Variants in ATP6V1H observed in about 807,000 individuals in gnomAD.
ATP6V1H encodes ATPase H+ transporting V1 subunit H.
ATP6V1H carries 39 observed loss-of-function variants against 71.7 expected under a neutral mutation model. The ratio of observed to expected loss-of-function variants is 0.54; its 90% CI spans 0.42 to 0.71. ATP6V1H has a LOEUF of 0.71. Among genes scored for constraint, ATP6V1H ranks in the 30% least tolerant of loss-of-function variants. The pLI, the probability that ATP6V1H is intolerant of heterozygous loss-of-function variation, is 0.00. For missense variants in ATP6V1H, 509 were observed against 594.9 expected, an observed-to-expected ratio of 0.86 and a Z score of 1.50; for synonymous variants, 192 against 199.3, an observed-to-expected ratio of 0.96 and a Z score of 0.31.
chr8:53,776,087 G>A (rs1033546124), intron 9 of ATP6V1H, among the ~76,000 whole-genome samples: 6 of 152,340 alleles, frequency 3.9e-5, no homozygotes, highest in African/African-American at 9.6e-5. Context: ...GCGCAGCGCC[G>A]GTGGGCTGGC....
chr8:53,748,151 C>T (rs1180939912), intron 12 of ATP6V1H, among the ~76,000 whole-genome samples: 2 of 151,620 alleles, frequency 1.3e-5, no homozygotes. Flanking sequence ...GAGTGAGACT[C>T]CATCTCAAAA....
At position 53,817,429 on chromosome 8, in the gene ATP6V1H, G is replaced by A. The variant is rs763173447; in HGVS notation, c.408C>T (p.Phe136=). Residue 136 remains phenylalanine, a synonymous_variant, in exon 5 of 14, where the codon TTC becomes TTT. Transcript: ENST00000359530. ...FLPMLNRQDP[F]TVHMAARIIA... ...ATTCAAAATTTACCATATGAACAGT[G>A]AAGGGATCCTGGCGATTCAACATTG... 2.5e-6 allele frequency: 4 copies of A among 1,609,834 alleles called. No individual in the cohort carries two copies. In the South Asian group the frequency reaches 3.3e-5, roughly 13 times the overall value.
intron 7 of ATP6V1H, among the ~76,000 whole-genome samples, chr8:53,802,409 TA>T (rs1809942544): frequency 1.3e-5 from 2 of 152,218 alleles, no homozygotes; most frequent in Non-Finnish European, 2.9e-5. Context: ...GCACCCTGAA[TA>T]TTGTTAGATT....
chr8:53,842,731 C>G (rs1811383386), intron 1 of ATP6V1H: 4 of 152,340 alleles, frequency 2.6e-5, no homozygotes. Flanking sequence ...AGTCCCTGAA[C>G]TACTCGCACC....
At chr8:53,765,948 T>TCG (rs1808445107) in intron 11 of ATP6V1H, among the ~76,000 whole-genome samples, 1 of 152,208 alleles carries the variant, frequency 6.6e-6, no homozygotes, top group African/African-American at 2.4e-5. Context: ...GACAAATAGA[T>TCG]CGCTGAAACA....
intron 13 of ATP6V1H, among the ~76,000 whole-genome samples, chr8:53,738,709 A>G (rs1222010064): frequency 6.6e-6 from 1 of 152,180 alleles, no homozygotes; most frequent in Non-Finnish European, 1.5e-5. Context: ...ACTCTTCTGA[A>G]TATTTATTTA....
chr8:53,786,486 C>T (rs977099409), intron 9 of ATP6V1H, among the ~76,000 whole-genome samples: 1 of 151,432 alleles, frequency 6.6e-6, no homozygotes, highest in Non-Finnish European at 1.5e-5. Flanking sequence ...TTGCAGTTCC[C>T]GGGTGAGGCG....
rs1563471685 is a variant in ATP6V1H, at chr8:53,798,176, CA to C, written c.678-2338del. 4.6e-5 allele frequency among the ~76,000 whole-genome samples: 7 copies of C among 152,036 alleles called. No individual in the cohort carries two copies. The South Asian group carries it at 6.2e-4, about 14-fold the overall frequency. On this transcript the variant is annotated intron_variant, in intron 8 of 13. Transcript: ENST00000359530. ...ATTATGTATATAATAGGCTTTTTAA[CA>C]ACAATAAAAAAGTCAGCAAACTATA...
chr8:53,719,549 C>T (rs936160775), intron 13 of ATP6V1H, among the ~76,000 whole-genome samples: 1 of 152,202 alleles, frequency 6.6e-6, no homozygotes, highest in Non-Finnish European at 1.5e-5. Context: ...ACAAGCCTGC[C>T]TCTGAATCCT....
chr8:53,829,547 T>A lies in ATP6V1H; in HGVS notation c.217-14A>T, dbSNP rs2130518964. The A allele has an allele frequency of 3.6e-6, 5 of 1,407,118 alleles. No homozygotes were observed. Among genetic ancestry groups the A allele is most frequent in the East Asian group, 2.3e-5 (1 of 42,954 alleles). 87.2% of individuals were successfully genotyped at this position (1,407,118 alleles called of 1,614,324 possible). ...TGTTTTAGCACACTAAAAAAAAAAA[T>A]GAAATTAAAGTTATTGTTTTTATTT... is the stretch of plus-strand genomic sequence containing the variant. On this transcript the variant is annotated splice_polypyrimidine_tract_variant and intron_variant, in intron 3 of 13. Transcript: ENST00000359530.
At chr8:53,724,747 T>G (rs1224508837) in intron 13 of ATP6V1H, among the ~76,000 whole-genome samples, 1 of 151,848 alleles carries the variant, frequency 6.6e-6, no homozygotes. Context: ...TCTCTCTCAT[T>G]TAAGTCATGG....
rs1806410138 is a variant in ATP6V1H, at chr8:53,715,978, C to G, written c.1438G>C (p.Ala480Pro). Reference protein sequence around the residue: ...QLQSEQPQTAAARS With the variant: ...QLQSEQPQTAPARS The stretch of plus-strand genomic sequence containing the variant: ...CAGAGGCAGGCTTAGCTTCGGGCGG[C>G]AGCGGTCTGGGGCTGCTCGGACTGG... The change falls in exon 14 of 14, where the codon GCC (alanine) becomes CCC (proline). Residue 480 changes from alanine to proline, a missense_variant. Physicochemically the swap from Ala to Pro is conservative, Grantham distance 27 (BLOSUM62 -1). Coordinates refer to ENST00000359530, the MANE Select transcript of ATP6V1H (RefSeq NM_015941.4). 2 of 1,608,142 alleles carry G rather than the reference C, an allele frequency of 1.2e-6. No homozygotes were observed. The highest frequency in any genetic ancestry group is 2.7e-5 in the African/African-American group (2 of 75,012).
At chr8:53,809,255 T>C (rs1810195013) in intron 7 of ATP6V1H, among the ~76,000 whole-genome samples, 1 of 152,192 alleles carries the variant, frequency 6.6e-6, no homozygotes, top group African/African-American at 2.4e-5. Context: ...GATGTAAATG[T>C]AAAATGAGTA....
At chr8:53,745,854 G>A (rs1290689894) in intron 12 of ATP6V1H, among the ~76,000 whole-genome samples, 2 of 152,170 alleles carry the variant, frequency 1.3e-5, no homozygotes, top group African/African-American at 2.4e-5. Context: ...GTCCATTAGC[G>A]ACTCCAATTA....
At chr8:53,799,626 G>A (rs1401629864) in intron 8 of ATP6V1H, among the ~76,000 whole-genome samples, 1 of 152,160 alleles carries the variant, frequency 6.6e-6, no homozygotes, top group Non-Finnish European at 1.5e-5. Context: ...GGCTTATGCT[G>A]AATTCCTACT....
At chr8:53,825,440 T>A (rs1346639867) in intron 4 of ATP6V1H, among the ~76,000 whole-genome samples, 1 of 149,958 alleles carries the variant, frequency 6.7e-6, no homozygotes, top group Admixed American at 6.6e-5. Flanking sequence ...TTCCATTTCA[T>A]ACAAAAAAAA....
Position 53,776,102 on chromosome 8 carries a change from G to C in ATP6V1H, c.871-3935C>G, listed in dbSNP as rs567252879. Among the ~76,000 whole-genome samples the C allele has an allele frequency of 2.2e-3, 338 of 152,316 alleles. 2 individuals carry two copies. The highest frequency in any genetic ancestry group is 7.9e-3 in the African/African-American group (327 of 41,566). ...GCGCAGCGCCGGTGGGCTGGCACCG[G>C]TGGGGGACCCAGTACAGCCTCCGCA... is the stretch of plus-strand genomic sequence containing the variant. On this transcript the variant is annotated intron_variant, in intron 9 of 13. Coordinates refer to ENST00000359530, the MANE Select transcript of ATP6V1H (RefSeq NM_015941.4).
chr8:53,728,330 G>A (rs918516406), intron 13 of ATP6V1H, among the ~76,000 whole-genome samples: 1 of 152,188 alleles, frequency 6.6e-6, no homozygotes, highest in Non-Finnish European at 1.5e-5. Flanking sequence ...GGGGGCACAT[G>A]CAGACTCAGC....
chr8:53,743,727 T>C (rs1807498925), intron 12 of ATP6V1H, 37 bp from the exon 13 acceptor site: 4 of 1,449,234 alleles, frequency 2.8e-6, no homozygotes, highest in African/African-American at 1.4e-5. Flanking sequence ...AAGATGCAAT[T>C]ACTCTCAAAT....
Sources: allele counts gnomAD v4.1 joint callset (sites outside exome capture counted in the v4.1 genomes callset), GRCh38; gene constraint gnomAD v4.1.1; transcripts MANE v1.5; gene names NCBI Gene and HGNC (gene_info 2026-07-23, HGNC 2026-07-21).